Variants in FAT3 observed in about 807,000 individuals in gnomAD.
FAT3 encodes the protein FAT atypical cadherin 3.
Under a neutral mutation model 310.2 loss-of-function variants are expected in FAT3, and 95 were observed. That is an observed-to-expected ratio of 0.31 (90% confidence interval 0.26 to 0.36). The LOEUF is 0.36. Ranked by LOEUF, FAT3 falls within the 10% of genes least tolerant of loss-of-function variation. FAT3 has a pLI of 1.00. For missense variants in FAT3, 5,408 were observed against 5,715.6 expected, an observed-to-expected ratio of 0.95 and a Z score of 1.74; for synonymous variants, 2,314 against 2,192.9, an observed-to-expected ratio of 1.06 and a Z score of -1.54.
At position 92,592,469 on chromosome 11, in the gene FAT3, G is replaced by A. The variant is rs115526655; in HGVS notation, c.3607+67521G>A. The stretch of plus-strand genomic sequence containing the variant: ...CCTGAGTAGCTAGGATTACAAGCGC[G>A]TGCCACCACAGCTGGCTAATATTTG... On this transcript the variant is annotated intron_variant, in intron 3 of 27. Transcript: ENST00000525166. 5.6e-3 allele frequency among the ~76,000 whole-genome samples: 846 copies of A among 151,850 alleles called. 8 individuals are homozygous for A. The highest frequency in any genetic ancestry group is 0.019 in the African/African-American group (793 of 41,422).
At chr11:92,805,489 A>G (rs1947479150) in intron 11 of FAT3, 140 bp downstream of exon 11, 1 of 781,590 alleles carries the variant, frequency 1.3e-6, no homozygotes, top group Non-Finnish European at 1.9e-6. Flanking sequence ...GTAGGAGGTG[A>G]AGTTTAGGAA....
At chr11:92,364,893 G>A (rs1345989206) in intron 2 of FAT3, among the ~76,000 whole-genome samples, 1 of 152,170 alleles carries the variant, frequency 6.6e-6, no homozygotes, top group Non-Finnish European at 1.5e-5. Context: ...GTATACTGGT[G>A]AGAATAATAC....
intron 3 of FAT3, among the ~76,000 whole-genome samples, chr11:92,636,081 A>G (rs966629168): frequency 1.3e-5 from 2 of 152,054 alleles, no homozygotes; most frequent in African/African-American, 4.8e-5. Flanking sequence ...CTCCCACCTC[A>G]GCCTCCCGAG....
chr11:92,694,010 G>C (rs1943868522), intron 3 of FAT3, among the ~76,000 whole-genome samples: 1 of 152,092 alleles, frequency 6.6e-6, no homozygotes, highest in Non-Finnish European at 1.5e-5. Context: ...AAACCTTAAA[G>C]TCAGGGTTTA....
chr11:92,353,424 G>A lies in FAT3; in HGVS notation c.1312G>A (p.Val438Ile). Residue 438 changes from valine to isoleucine, a missense_variant, in exon 2 of 28, where the codon GTT (valine) becomes ATT (isoleucine). This residue lies in a region of FAT3 where 4,588 missense variants were observed against 4,809.8 expected (regional missense o/e 0.95). Coordinates refer to ENST00000525166, the MANE Select transcript of FAT3 (RefSeq NM_001367949.2). ...LIVTARPLNTVKKEVYKLEVT... is the reference protein window; with the variant it reads ...LIVTARPLNTIKKEVYKLEVT... ...TGTTACAGCACGGCCACTGAATACT[G>A]TTAAGAAGGAGGTTTATAAACTGGA... The A allele has an allele frequency of 6.2e-7, 1 of 1,613,512 alleles. No individual in the cohort carries two copies. The highest frequency in any genetic ancestry group is 8.5e-7 in the Non-Finnish European group (1 of 1,179,766).
chr11:92,600,006 G>A (rs1023393694), intron 3 of FAT3, among the ~76,000 whole-genome samples: 3 of 152,208 alleles, frequency 2.0e-5, no homozygotes, highest in African/African-American at 7.2e-5. Context: ...AGTTGAGGGA[G>A]ATAGGTTGTT....
Position 92,354,788 on chromosome 11 carries a change from G to A in FAT3, c.2676G>A (p.Leu892=). 6.2e-7 allele frequency: 1 copy of A among 1,613,918 alleles called. No homozygotes were observed. The highest frequency in any genetic ancestry group is 1.1e-5 in the South Asian group (1 of 91,078). ...STGIVYVADQ[L]DRESKANYSL... ...GAATCGTTTATGTAGCCGACCAGTT[G>A]GACCGGGAATCCAAAGCCAATTATT... Residue 892 remains leucine, a synonymous_variant, in exon 2 of 28, where the codon TTG becomes TTA. Coordinates refer to ENST00000525166, the MANE Select transcript of FAT3 (RefSeq NM_001367949.2).
chr11:92,546,379 T>A (rs755988484), intron 3 of FAT3, among the ~76,000 whole-genome samples: 12 of 152,240 alleles, frequency 7.9e-5, no homozygotes, highest in Non-Finnish European at 1.5e-4. Context: ...TTTTCTGACA[T>A]CTTCACATTC....
chr11:92,282,510 A>C (rs921285498), intron 1 of FAT3, among the ~76,000 whole-genome samples: 2 of 152,170 alleles, frequency 1.3e-5, no homozygotes, highest in East Asian at 3.9e-4. Context: ...ACTAAAAAGT[A>C]CAAAATCAGC....
intron 3 of FAT3, among the ~76,000 whole-genome samples, chr11:92,667,179 G>C (rs929141386): frequency 6.6e-6 from 1 of 152,182 alleles, no homozygotes; most frequent in African/African-American, 2.4e-5. Context: ...CTTGGTATTA[G>C]ATCTGATTTA....
intron 21 of FAT3, among the ~76,000 whole-genome samples, chr11:92,862,348 A>G (rs1221225190): frequency 6.6e-6 from 1 of 152,130 alleles, no homozygotes; most frequent in African/African-American, 2.4e-5. Flanking sequence ...GATTTTTTAA[A>G]AAGAAGAAAG....
At chr11:92,400,848 A>G (rs1039712915) in intron 2 of FAT3, 1 of 152,186 alleles carries the variant, frequency 6.6e-6, no homozygotes, top group Non-Finnish European at 1.5e-5. Context: ...AAAGATTTAT[A>G]TAAGTATGTA....
At chr11:92,435,341 G>A (rs1160893481) in intron 2 of FAT3, among the ~76,000 whole-genome samples, 1 of 152,170 alleles carries the variant, frequency 6.6e-6, no homozygotes, top group African/African-American at 2.4e-5. Flanking sequence ...TGTCTTTTCT[G>A]TGACCACTAC....
At chr11:92,844,755 C>T in intron 19 of FAT3, 23 bp downstream of exon 19, 1 of 1,481,504 alleles carries the variant, frequency 6.7e-7, no homozygotes, top group Non-Finnish European at 9.0e-7. Flanking sequence ...TTGAGTGTTC[C>T]CTCTCAACTC....
intron 2 of FAT3, among the ~76,000 whole-genome samples, chr11:92,474,442 G>A (rs1951994850): frequency 6.6e-6 from 1 of 152,138 alleles, no homozygotes; most frequent in African/African-American, 2.4e-5. Context: ...GTGGTAGGAA[G>A]GGCACAGACT....
intron 10 of FAT3, 110 bp downstream of exon 10, chr11:92,802,019 A>C: frequency 2.8e-6 from 3 of 1,056,178 alleles, no homozygotes. Context: ...AGTCCAGTGT[A>C]ATGAAGCCTC....
intron 3 of FAT3, among the ~76,000 whole-genome samples, chr11:92,538,502 A>G (rs1341767076): frequency 1.3e-5 from 2 of 152,198 alleles, no homozygotes; most frequent in East Asian, 3.9e-4. Context: ...AAAGTGCTCA[A>G]CAAATGTTAA....
At chr11:92,360,887 C>G (rs767318409) in intron 2 of FAT3, among the ~76,000 whole-genome samples, 4 of 152,154 alleles carry the variant, frequency 2.6e-5, no homozygotes, top group Non-Finnish European at 4.4e-5. Context: ...CTGTTCAGAG[C>G]TGAGATTTGA....
At chr11:92,749,297 CACACACACAGAT>C (rs1358256426) in intron 4 of FAT3, among the ~76,000 whole-genome samples, 5 of 152,086 alleles carry the variant, frequency 3.3e-5, no homozygotes, top group African/African-American at 4.8e-5. Context: ...AATAGGCACA[CACACACACAGAT>C]ACACACACAC....
Sources: allele counts gnomAD v4.1 joint callset (sites outside exome capture counted in the v4.1 genomes callset), GRCh38; gene constraint gnomAD v4.1.1; regional missense constraint gnomAD v4.1.1; transcripts MANE v1.5; gene names NCBI Gene and HGNC (gene_info 2026-07-23, HGNC 2026-07-21).